Variants in KIAA0319L observed in about 807,000 individuals in gnomAD.
KIAA0319L encodes KIAA0319 like, also known as dyslexia-associated protein KIAA0319-like protein.
In KIAA0319L, 55 loss-of-function variants were observed where a neutral mutation model predicts 120.1. That is an observed-to-expected ratio of 0.46 (90% CI 0.37 to 0.57). The LOEUF (loss-of-function observed/expected upper bound fraction) is 0.57. Ranked by LOEUF, KIAA0319L falls within the 20% of genes least tolerant of loss-of-function variation. KIAA0319L has a pLI of 0.00. For missense variants in KIAA0319L, 1,049 were observed against 1,255.3 expected, an observed-to-expected ratio of 0.84 and a Z score of 2.48; for synonymous variants, 398 against 471.9, an observed-to-expected ratio of 0.84 and a Z score of 2.03.
chr1:35,448,222 G>T lies in KIAA0319L; in HGVS notation c.2464C>A (p.Leu822Met). The T allele has an allele frequency of 6.2e-7, 1 of 1,614,008 alleles. No individual in the cohort carries two copies. The highest frequency in any genetic ancestry group is 8.5e-7 in the Non-Finnish European group (1 of 1,179,960). ...TTTTGCACAATGATGTCGGAATCCAGCACCCCCAGGAGGACCCCAATCTGG... is the reference window on the plus strand; with the variant it reads ...TTTTGCACAATGATGTCGGAATCCATCACCCCCAGGAGGACCCCAATCTGG... ...IRQIGVLLGV[L>M]DSDIIVQKIQ... is the part of the protein sequence containing the mutation. The change falls in exon 16 of 21, where the codon CTG becomes ATG. Residue 822 changes from leucine (L) to methionine (M), a missense_variant. Coordinates refer to ENST00000325722, the MANE Select transcript of KIAA0319L (RefSeq NM_024874.5).
intron 9 of KIAA0319L, among the ~76,000 whole-genome samples, chr1:35,456,939 G>GGAAC (rs1282780111): frequency 6.6e-6 from 1 of 150,652 alleles, no homozygotes; most frequent in African/African-American, 2.4e-5. Flanking sequence ...AAGGAAGGAA[G>GGAAC]GAAGGAAGGA....
chr1:35,457,241 C>T (rs549408848), intron 9 of KIAA0319L, among the ~76,000 whole-genome samples: 23 of 152,120 alleles, frequency 1.5e-4, no homozygotes, highest in African/African-American at 5.5e-4. Context: ...GCTCAGAAAC[C>T]AAATCTTAAG....
At chr1:35,491,979 T>G (rs1332180721) in intron 3 of KIAA0319L, among the ~76,000 whole-genome samples, 1 of 152,198 alleles carries the variant, frequency 6.6e-6, no homozygotes, top group Non-Finnish European at 1.5e-5. Context: ...TAGCAATGTA[T>G]CTATCACATA....
chr1:35,478,949 A>G lies in KIAA0319L; in HGVS notation c.913+17T>C. 1 of 1,609,908 alleles carries G rather than the reference A, an allele frequency of 6.2e-7. No individual in the cohort carries two copies. The highest frequency in any genetic ancestry group is 8.5e-7 in the Non-Finnish European group (1 of 1,177,800). Reference sequence around the variant, plus strand: ...GTTCTACTTTTTCCTTCTATCTCCAAGAGCAAAGGTCCTTACCTGGGTATG... The same window carrying G: ...GTTCTACTTTTTCCTTCTATCTCCAGGAGCAAAGGTCCTTACCTGGGTATG... On this transcript the variant is annotated intron_variant, in intron 4 of 20. Coordinates refer to ENST00000325722, the MANE Select transcript of KIAA0319L (RefSeq NM_024874.5).
intron 11 of KIAA0319L, among the ~76,000 whole-genome samples, chr1:35,454,077 G>A (rs1015079518): frequency 2.6e-5 from 4 of 152,230 alleles, no homozygotes; most frequent in South Asian, 4.2e-4. Flanking sequence ...GGCAAAAACC[G>A]CAATTACTTT....
In KIAA0319L at chr1:35,445,884, G is replaced by A. The variant is rs1641584004; in HGVS notation, c.2514-1581C>T. On this transcript the variant is annotated intron_variant, in intron 16 of 20. Transcript: ENST00000325722. ...TTGCTCATGCCCCCTATGCAGTGCTGGTGAATCTGAGCAACCTGTCAACAG... is the reference window on the plus strand; with the variant it reads ...TTGCTCATGCCCCCTATGCAGTGCTAGTGAATCTGAGCAACCTGTCAACAG... Among the ~76,000 whole-genome samples, 5 of 152,154 alleles carry A rather than the reference G, an allele frequency of 3.3e-5. No homozygotes were observed. The South Asian group carries it at 1.0e-3, about 32-fold the overall frequency.
At chr1:35,516,299 C>T (rs932115992) in intron 2 of KIAA0319L, among the ~76,000 whole-genome samples, 1 of 152,198 alleles carries the variant, frequency 6.6e-6, no homozygotes, top group Admixed American at 6.5e-5. Flanking sequence ...CAAAAATCCT[C>T]AACAAAATAC....
At chr1:35,508,159 C>T (rs1049305535) in intron 2 of KIAA0319L, among the ~76,000 whole-genome samples, 4 of 152,212 alleles carry the variant, frequency 2.6e-5, no homozygotes, top group African/African-American at 9.7e-5. Context: ...GAGGTGCTCA[C>T]TTTCAGAGTC....
intron 2 of KIAA0319L, among the ~76,000 whole-genome samples, chr1:35,527,647 G>C (rs564451246): frequency 6.6e-6 from 1 of 151,818 alleles, no homozygotes; most frequent in Non-Finnish European, 1.5e-5. Context: ...ATGTGTCCAC[G>C]GATTCATCAA....
chr1:35,529,332 A>T (rs1287098584), intron 2 of KIAA0319L, among the ~76,000 whole-genome samples: 5 of 152,056 alleles, frequency 3.3e-5, no homozygotes, highest in African/African-American at 9.7e-5. Context: ...TTCCTTTCTT[A>T]TTGTTATGGT....
chr1:35,450,052 C>G (rs1266018452), intron 14 of KIAA0319L, 47 bp from the exon 15 acceptor site: 2 of 1,608,686 alleles, frequency 1.2e-6, no homozygotes, highest in Admixed American at 3.3e-5. Flanking sequence ...AAATGCCATT[C>G]CTTTCCTGGA....
At chr1:35,554,640 C>T (rs1047228645) in intron 1 of KIAA0319L, 121 bp from the exon 2 acceptor site, 10 of 592,318 alleles carry the variant, frequency 1.7e-5, no homozygotes, top group Admixed American at 1.1e-4. Context: ...TTGTCTTTAA[C>T]GGCTCAACCC....
In KIAA0319L at chr1:35,522,783, C is replaced by T. The variant is rs368730084; in HGVS notation, c.143-15648G>A. On this transcript the variant is annotated intron_variant, in intron 2 of 20. Transcript: ENST00000325722. Reference sequence around the variant, plus strand: ...CTGTAATCCCAGCACTTTGGGAGGCCGAGGTGGGTGGATCATGAGGTCAGG... The same window carrying T: ...CTGTAATCCCAGCACTTTGGGAGGCTGAGGTGGGTGGATCATGAGGTCAGG... Among the ~76,000 whole-genome samples the T allele has an allele frequency of 3.3e-3, 502 of 151,138 alleles. 2 individuals are homozygous for T. Among genetic ancestry groups the T allele is most frequent in the Non-Finnish European group, 4.6e-3 (315 of 67,744 alleles).
intron 3 of KIAA0319L, among the ~76,000 whole-genome samples, chr1:35,479,960 A>AAC (rs1190752930): frequency 6.8e-6 from 1 of 146,222 alleles, no homozygotes; most frequent in East Asian, 2.0e-4. Flanking sequence ...AAAAAAAAAA[A>AAC]AAAAAAAAAA....
intron 3 of KIAA0319L, among the ~76,000 whole-genome samples, chr1:35,493,291 A>T (rs928088428): frequency 6.6e-6 from 1 of 152,164 alleles, no homozygotes; most frequent in African/African-American, 2.4e-5. Context: ...CAAATATAAT[A>T]GCATCAAATA....
Position 35,456,065 on chromosome 1 carries a change from C to G in KIAA0319L, c.1604G>C (p.Ser535Thr). 6.2e-7 allele frequency: 1 copy of G among 1,614,092 alleles called. No homozygotes were observed. The highest frequency in any genetic ancestry group is 8.5e-7 in the Non-Finnish European group (1 of 1,179,996). ...NQSTDDHGIT[S>T]YEWSLSPSSK... is the part of the protein sequence containing the mutation. ...GCTTGGGCTGAGTGACCACTCATAG[C>G]TGGTGATGCCATGATCATCAGTGCT... is the stretch of plus-strand genomic sequence containing the variant. Residue 535 changes from serine to threonine, a missense_variant, in exon 10 of 21, where the codon AGC (serine) becomes ACC (threonine). Physicochemically the swap from Ser to Thr is moderately conservative, Grantham distance 58 (BLOSUM62 1). Transcript: ENST00000325722.
intron 2 of KIAA0319L, among the ~76,000 whole-genome samples, chr1:35,520,287 A>G (rs1645859111): frequency 6.6e-6 from 1 of 151,830 alleles, no homozygotes; most frequent in Admixed American, 6.6e-5. Flanking sequence ...TTTAGTAGAG[A>G]TGGGGTTTCA....
chr1:35,454,247 A>G, intron 11 of KIAA0319L, 115 bp downstream of exon 11: 2 of 1,056,506 alleles, frequency 1.9e-6, no homozygotes, highest in Non-Finnish European at 1.4e-6. Context: ...CAGAGGCTCT[A>G]TGGATCGGTG....
intron 20 of KIAA0319L, chr1:35,440,838 CG>C (rs1319988647): frequency 1.7e-6 from 1 of 572,118 alleles, no homozygotes; most frequent in Non-Finnish European, 3.1e-6. Context: ...CCCCGCCAAG[CG>C]GAAGTAGCAC....
Sources: allele counts gnomAD v4.1 joint callset (sites outside exome capture counted in the v4.1 genomes callset), GRCh38; gene constraint gnomAD v4.1.1; transcripts MANE v1.5; gene names NCBI Gene and HGNC (gene_info 2026-07-23, HGNC 2026-07-21).